The following CPNE8 variants were observed in gnomAD, a reference collection of about 807,000 sequenced individuals.
The protein encoded by CPNE8 is copine 8.
A neutral mutation model predicts 81.5 loss-of-function variants in CPNE8; 45 were observed. The ratio of observed to expected loss-of-function variants is 0.55; its 90% CI spans 0.44 to 0.71. The LOEUF (loss-of-function observed/expected upper bound fraction) is 0.71, where lower values mean the gene tolerates loss of function less well. Among genes scored for constraint, CPNE8 ranks in the 30% least tolerant of loss-of-function variants. The probability of loss-of-function intolerance (pLI) is 0.00; values close to 1 mark genes in which losing one functional copy is unlikely to be tolerated. For synonymous variants in CPNE8, 252 were observed against 226.3 expected, an observed-to-expected ratio of 1.11 and a Z score of -1.02; for missense variants, 594 against 672.1, an observed-to-expected ratio of 0.88 and a Z score of 1.28.
At chr12:38,685,799 G>T (rs1412471511) in intron 15 of CPNE8, 182 bp from the exon 16 acceptor site, 1 of 491,906 alleles carries the variant, frequency 2.0e-6, no homozygotes, top group Non-Finnish European at 3.6e-6. Context: ...AATCGATTAT[G>T]ATATATTATG....
intron 6 of CPNE8, among the ~76,000 whole-genome samples, chr12:38,805,888 C>G (rs1422832117): frequency 1.3e-5 from 2 of 149,360 alleles, no homozygotes; most frequent in Non-Finnish European, 3.0e-5. Context: ...AGAGAAGAAT[C>G]AAATAGACAC....
Position 38,723,289 on chromosome 12 carries a change from A to G in CPNE8, c.914+483T>C, listed in dbSNP as rs540928429. Among the ~76,000 whole-genome samples, 8 of 152,206 alleles carry G rather than the reference A, an allele frequency of 5.3e-5. No homozygotes were observed. In the South Asian group the frequency reaches 1.7e-3, roughly 32 times the overall value. ...TTGAAAAATTTCAAAATTGGTTACA[A>G]CTATTTTTTTTTTCCTGAAATGTAT... On this transcript the variant is annotated intron_variant, in intron 13 of 19. Transcript: ENST00000331366.
At chr12:38,712,933 GAGCTTAGACGTA>G (rs759356380) in intron 13 of CPNE8, among the ~76,000 whole-genome samples, 54 of 152,228 alleles carry the variant, frequency 3.5e-4, no homozygotes, top group Non-Finnish European at 7.4e-4. Context: ...ACAATACGAT[GAGCTTAGACGTA>G]TTAGAACTTT....
At chr12:38,848,820 G>T (rs1028390966) in intron 3 of CPNE8, among the ~76,000 whole-genome samples, 158 bp from the exon 4 acceptor site, 1 of 151,932 alleles carries the variant, frequency 6.6e-6, no homozygotes, top group African/African-American at 2.4e-5. Context: ...TTTATTCAGG[G>T]AAATCATAAA....
intron 13 of CPNE8, among the ~76,000 whole-genome samples, chr12:38,709,668 T>C (rs1940200762): frequency 6.6e-6 from 1 of 152,158 alleles, no homozygotes; most frequent in Non-Finnish European, 1.5e-5. Flanking sequence ...CATACTTCTT[T>C]GAATACTGGA....
intron 10 of CPNE8, among the ~76,000 whole-genome samples, chr12:38,751,414 A>C (rs1196791142): frequency 1.3e-5 from 2 of 152,168 alleles, no homozygotes; most frequent in African/African-American, 4.8e-5. Flanking sequence ...TTATACATTA[A>C]AGAAATCTTA....
rs761392768 is a variant in CPNE8, at chr12:38,829,378, C to A, written c.407+1G>T. On this transcript the variant is annotated splice_donor_variant, in intron 6 of 19. Coordinates refer to ENST00000331366, the MANE Select transcript of CPNE8 (RefSeq NM_153634.3). LOFTEE classifies it high-confidence loss of function. ...CATTGTCTGAATTAAAAAATACTTACACTATTGGTTTTTCCAGGCGACTTC... is the reference window on the plus strand; with the variant it reads ...CATTGTCTGAATTAAAAAATACTTAAACTATTGGTTTTTCCAGGCGACTTC... The A allele has an allele frequency of 6.3e-7, 1 of 1,599,058 alleles. No homozygotes were observed. Among genetic ancestry groups the A allele is most frequent in the Non-Finnish European group, 8.6e-7 (1 of 1,166,452 alleles).
intron 13 of CPNE8, among the ~76,000 whole-genome samples, chr12:38,718,341 T>C (rs1940461438): frequency 6.6e-6 from 1 of 152,154 alleles, no homozygotes; most frequent in African/African-American, 2.4e-5. Context: ...TTTTCTTTAG[T>C]TGAAAATACA....
intron 1 of CPNE8, among the ~76,000 whole-genome samples, chr12:38,881,861 G>A: frequency 6.6e-6 from 1 of 152,064 alleles, no homozygotes; most frequent in East Asian, 1.9e-4. Flanking sequence ...TGCAATTCCT[G>A]ATTTCAGCTG....
At chr12:38,711,771 A>G (rs1202131792) in intron 13 of CPNE8, among the ~76,000 whole-genome samples, 1 of 152,174 alleles carries the variant, frequency 6.6e-6, no homozygotes, top group Admixed American at 6.5e-5. Context: ...GCCCGGCCCA[A>G]GTATACATTT....
At chr12:38,780,686 G>C (rs1206376825) in intron 6 of CPNE8, among the ~76,000 whole-genome samples, 3 of 151,968 alleles carry the variant, frequency 2.0e-5, no homozygotes, top group Non-Finnish European at 2.9e-5. Context: ...GAAACTGAAA[G>C]ATAATTGAAA....
chr12:38,874,507 G>T lies in CPNE8; in HGVS notation c.103C>A (p.Leu35Ile), dbSNP rs1280699333. The T allele has an allele frequency of 1.2e-6, 2 of 1,604,012 alleles. No individual in the cohort carries two copies. Among genetic ancestry groups the T allele is most frequent in the Non-Finnish European group, 1.7e-6 (2 of 1,172,994 alleles). ...RVEVSVSCRN[L>I]LDRDTFSKSD... ...TTAGAAAATGTGTCTCTGTCAAGAAGATTTCTGTTGAATAAAACAGAAAAT... is the reference window on the plus strand; with the variant it reads ...TTAGAAAATGTGTCTCTGTCAAGAATATTTCTGTTGAATAAAACAGAAAAT... Residue 35 changes from leucine to isoleucine, a missense_variant, in exon 2 of 20, where the codon CTT becomes ATT. Physicochemically the swap from Leu to Ile is conservative, Grantham distance 5. Transcript: ENST00000331366.
chr12:38,797,012 C>G (rs550521408), intron 6 of CPNE8, among the ~76,000 whole-genome samples: 3 of 152,248 alleles, frequency 2.0e-5, no homozygotes, highest in South Asian at 2.1e-4. Context: ...CCGCCATTGC[C>G]CAGGCTTGCT....
chr12:38,653,669 G>A lies in CPNE8; in HGVS notation c.*213C>T, dbSNP rs913583885. On this transcript the variant is annotated 3_prime_UTR_variant, in exon 20 of 20. Coordinates refer to ENST00000331366, the MANE Select transcript of CPNE8 (RefSeq NM_153634.3). ...AGAAGACATCCATACTTTGCTTCAAGCATTTAAACAATTTTTTCTGTTGCT... is the reference window on the plus strand; with the variant it reads ...AGAAGACATCCATACTTTGCTTCAAACATTTAAACAATTTTTTCTGTTGCT... 7.4e-6 allele frequency: 3 copies of A among 407,852 alleles called. No individual in the cohort carries two copies. The highest frequency in any genetic ancestry group is 4.1e-5 in the African/African-American group (2 of 49,110). The allele number at this position is 407,852 out of a possible 1,614,324, so 25.3% of individuals were successfully genotyped here.
intron 6 of CPNE8, among the ~76,000 whole-genome samples, chr12:38,808,110 C>T (rs1942856238): frequency 6.6e-6 from 1 of 151,942 alleles, no homozygotes; most frequent in South Asian, 2.1e-4. Flanking sequence ...ACAACAGGTG[C>T]TGGAGAGGAT....
chr12:38,756,939 A>G, intron 10 of CPNE8, among the ~76,000 whole-genome samples: 1 of 152,196 alleles, frequency 6.6e-6, no homozygotes, highest in East Asian at 1.9e-4. Flanking sequence ...CCTTCTTAGT[A>G]ATTTTGTATT....
intron 19 of CPNE8, among the ~76,000 whole-genome samples, chr12:38,657,614 A>G (rs1039122362): frequency 4.6e-5 from 7 of 151,850 alleles, no homozygotes; most frequent in African/African-American, 1.7e-4. Flanking sequence ...ACTGGGAGAC[A>G]CCTCCCAGTA....
At chr12:38,835,996 A>G (rs1943373878) in intron 5 of CPNE8, among the ~76,000 whole-genome samples, 1 of 152,124 alleles carries the variant, frequency 6.6e-6, no homozygotes, top group African/African-American at 2.4e-5. Context: ...CCAACATCCC[A>G]AGCAGAATCC....
At chr12:38,713,124 C>A (rs976095459) in intron 13 of CPNE8, among the ~76,000 whole-genome samples, 1 of 152,172 alleles carries the variant, frequency 6.6e-6, no homozygotes, top group Non-Finnish European at 1.5e-5. Context: ...TTGAACTGTA[C>A]AATTAATGCC....
Sources: gnomAD v4.1 joint callset for allele counts (sites outside exome capture counted in the v4.1 genomes callset) on GRCh38, gnomAD v4.1.1 for gene constraint, MANE v1.5 for transcripts, NCBI Gene and HGNC (gene_info 2026-07-23, HGNC 2026-07-21) for gene names.